The following ADAMTSL1 variants were observed in gnomAD, a reference collection of about 807,000 sequenced individuals.
ADAMTSL1 encodes the protein ADAMTS like 1.
In ADAMTSL1, 126 loss-of-function variants were observed where a neutral mutation model predicts 201.8. The ratio of observed to expected loss-of-function variants is 0.62; its 90% CI spans 0.54 to 0.72. The LOEUF (loss-of-function observed/expected upper bound fraction) is 0.72, where lower values mean the gene tolerates loss of function less well. ADAMTSL1 is among the 30% of genes least tolerant of loss of function. The pLI is 0.00. For synonymous variants in ADAMTSL1, 1,121 were observed against 903.4 expected (o/e 1.24, Z -4.32); for missense variants, 2,679 against 2,277.8 (o/e 1.18, Z -3.59).
chr9:18,212,454 C>A (rs190130763), intron 2 of ADAMTSL1, among the ~76,000 whole-genome samples: 29 of 152,262 alleles, frequency 1.9e-4, no homozygotes, highest in African/African-American at 6.3e-4. Context: ...ATAAATGAAA[C>A]AACTTCATAG....
intron 2 of ADAMTSL1, among the ~76,000 whole-genome samples, chr9:18,237,583 T>C (rs1025107331): frequency 6.6e-6 from 1 of 152,226 alleles, no homozygotes; most frequent in Non-Finnish European, 1.5e-5. Context: ...TCCTGTTATA[T>C]AGAAAACCAA....
At chr9:18,839,977 T>G (rs1414432050) in intron 23 of ADAMTSL1, among the ~76,000 whole-genome samples, 1 of 150,078 alleles carries the variant, frequency 6.7e-6, no homozygotes, top group South Asian at 2.1e-4. Context: ...TTCTCCCATT[T>G]TGTAGGTTGC....
chr9:18,195,702 T>C, intron 2 of ADAMTSL1, among the ~76,000 whole-genome samples: 1 of 152,162 alleles, frequency 6.6e-6, no homozygotes. Flanking sequence ...GCAATTTGTT[T>C]ACAAGCAAAT....
chr9:18,384,140 G>C (rs1419047899), intron 2 of ADAMTSL1, among the ~76,000 whole-genome samples: 4 of 152,122 alleles, frequency 2.6e-5, no homozygotes, highest in Non-Finnish European at 4.4e-5. Context: ...ATGTTTAATT[G>C]ACTCACAGTT....
At chr9:18,896,648 C>A (rs1010743421) in intron 26 of ADAMTSL1, among the ~76,000 whole-genome samples, 6 of 152,188 alleles carry the variant, frequency 3.9e-5, no homozygotes, top group Non-Finnish European at 8.8e-5. Flanking sequence ...ACCTTCACCC[C>A]CCAGCCAAGG....
At chr9:18,486,803 T>G (rs538885265) in intron 1 of ADAMTSL1, among the ~76,000 whole-genome samples, 23 of 152,186 alleles carry the variant, frequency 1.5e-4, no homozygotes, top group Non-Finnish European at 3.4e-4. Flanking sequence ...TTTTTGTACC[T>G]TTGAGTGATT....
At chr9:18,850,519 G>A (rs1173084890) in intron 23 of ADAMTSL1, among the ~76,000 whole-genome samples, 3 of 152,196 alleles carry the variant, frequency 2.0e-5, no homozygotes, top group South Asian at 2.1e-4. Context: ...TGAAGGGAGA[G>A]GCAGACCCTA....
chr9:18,635,503 A>G (rs1041014268), intron 5 of ADAMTSL1, among the ~76,000 whole-genome samples: 4 of 152,170 alleles, frequency 2.6e-5, no homozygotes, highest in African/African-American at 7.2e-5. Flanking sequence ...GCGCATACCA[A>G]TATATCTTCC....
intron 1 of ADAMTSL1, among the ~76,000 whole-genome samples, chr9:18,094,533 C>T (rs1274052998): frequency 6.6e-6 from 1 of 152,134 alleles, no homozygotes; most frequent in African/African-American, 2.4e-5. Context: ...GTGCCTGGCC[C>T]TCTGATTTCT....
intron 12 of ADAMTSL1, among the ~76,000 whole-genome samples, chr9:18,682,853 A>T (rs997687692): frequency 6.6e-6 from 1 of 152,192 alleles, no homozygotes; most frequent in South Asian, 2.1e-4. Flanking sequence ...ACAAAAAAAA[A>T]CAGAAATCCT....
intron 15 of ADAMTSL1, 136 bp downstream of exon 15, chr9:18,721,801 C>G: frequency 1.5e-6 from 2 of 1,345,538 alleles, no homozygotes; most frequent in Non-Finnish European, 2.0e-6. Context: ...AACTTTTAGT[C>G]AAATCCACTT....
chr9:18,608,562 A>G (rs1314711640), intron 4 of ADAMTSL1, among the ~76,000 whole-genome samples: 2 of 152,176 alleles, frequency 1.3e-5, no homozygotes, highest in Non-Finnish European at 2.9e-5. Context: ...TGAAAGGAGA[A>G]ACAGCTCATT....
At chr9:18,560,519 C>T (rs146641484) in intron 3 of ADAMTSL1, among the ~76,000 whole-genome samples, 2 of 152,064 alleles carry the variant, frequency 1.3e-5, no homozygotes, top group South Asian at 4.1e-4. Context: ...ATGATGCAGG[C>T]CTCATAAAAT....
intron 15 of ADAMTSL1, among the ~76,000 whole-genome samples, chr9:18,749,773 A>C (rs1819358487): frequency 6.6e-6 from 1 of 152,198 alleles, no homozygotes; most frequent in African/African-American, 2.4e-5. Context: ...TTTTACCCAG[A>C]ATCAGCAAAG....
At chr9:18,469,181 C>T (rs553696601), upstream of ADAMTSL1, among the ~76,000 whole-genome samples, 1 of 152,158 alleles carries the variant, frequency 6.6e-6, no homozygotes, top group Admixed American at 6.6e-5. Flanking sequence ...TACCAAACTC[C>T]TCACTGAGTC....
At chr9:18,168,222 T>C (rs951896208) in intron 2 of ADAMTSL1, among the ~76,000 whole-genome samples, 7 of 152,042 alleles carry the variant, frequency 4.6e-5, no homozygotes, top group African/African-American at 1.4e-4. Flanking sequence ...CATTAACTCA[T>C]CATTTAGCAT....
intron 1 of ADAMTSL1, among the ~76,000 whole-genome samples, chr9:17,952,637 G>T (rs1048340448): frequency 6.6e-6 from 1 of 152,008 alleles, no homozygotes; most frequent in African/African-American, 2.4e-5. Flanking sequence ...CTGTTGCCCA[G>T]GCTGGAGTGG....
intron 1 of ADAMTSL1, among the ~76,000 whole-genome samples, chr9:18,141,316 G>A (rs1375297024): frequency 2.0e-5 from 3 of 152,130 alleles, no homozygotes; most frequent in Non-Finnish European, 4.4e-5. Flanking sequence ...AGGCAGCAGT[G>A]CCTTAACAGC....
At chr9:18,843,311 T>C (rs1825855599) in intron 23 of ADAMTSL1, among the ~76,000 whole-genome samples, 1 of 150,822 alleles carries the variant, frequency 6.6e-6, no homozygotes, top group South Asian at 2.1e-4. Flanking sequence ...TTTGCCTGGA[T>C]ATAAAATTCT....
Sources: gnomAD v4.1 joint callset for allele counts (sites outside exome capture counted in the v4.1 genomes callset) on GRCh38, gnomAD v4.1.1 for gene constraint, MANE v1.5 for transcripts, NCBI Gene and HGNC (gene_info 2026-07-23, HGNC 2026-07-21) for gene names.